HYDIN: variants seen among roughly 807,000 people sequenced by gnomAD.
HYDIN encodes axonemal central pair apparatus protein HYDIN.
HYDIN carries 132 observed loss-of-function variants against 403.9 expected under a neutral mutation model. The ratio of observed to expected loss-of-function variants is 0.33; its 90% confidence interval spans 0.28 to 0.38. The LOEUF (loss-of-function observed/expected upper bound fraction) is 0.38. Among genes scored for constraint, HYDIN ranks in the 10% least tolerant of loss-of-function variants. The pLI, the probability that HYDIN is intolerant of heterozygous loss-of-function variation, is 1.00. For missense variants in HYDIN, 2,827 were observed against 5,009.5 expected (o/e 0.56, Z 13.15); for synonymous variants, 1,202 against 1,891.7 (o/e 0.64, Z 9.46).
At chr16:71,190,913 T>C (rs1470366266) in intron 1 of HYDIN, among the ~76,000 whole-genome samples, 1 of 152,002 alleles carries the variant, frequency 6.6e-6, no homozygotes, top group Non-Finnish European at 1.5e-5. Flanking sequence ...ATCCAGGATG[T>C]GAAAAATGTT....
At chr16:71,169,922 T>C (rs2086394813) in intron 5 of HYDIN, among the ~76,000 whole-genome samples, 1 of 152,234 alleles carries the variant, frequency 6.6e-6, no homozygotes, top group Admixed American at 6.5e-5. Context: ...AAACCTCATG[T>C]TGAACACCAC....
intron 1 of HYDIN, among the ~76,000 whole-genome samples, chr16:71,198,690 G>C (rs1331535066): frequency 1.3e-5 from 2 of 152,094 alleles, no homozygotes; most frequent in Non-Finnish European, 2.9e-5. Flanking sequence ...ATCTGCCTTG[G>C]GATGGAGATG....
intron 47 of HYDIN, among the ~76,000 whole-genome samples, chr16:70,917,081 C>G (rs1195894449): frequency 1.3e-5 from 2 of 151,978 alleles, no homozygotes; most frequent in Non-Finnish European, 2.9e-5. Context: ...TGCCACCATG[C>G]CCGGCTAATT....
intron 53 of HYDIN, among the ~76,000 whole-genome samples, chr16:70,897,385 T>A (rs1008181271): frequency 6.6e-6 from 1 of 152,128 alleles, no homozygotes; most frequent in Non-Finnish European, 1.5e-5. Context: ...AGAAGGAAAT[T>A]TGCAGCTGTC....
intron 45 of HYDIN, among the ~76,000 whole-genome samples, chr16:70,931,970 C>T (rs1173844769): frequency 8.1e-6 from 1 of 123,248 alleles, no homozygotes; most frequent in East Asian, 2.6e-4. Flanking sequence ...GAGATCCCAC[C>T]ACTGCACTGT....
In HYDIN at chr16:71,027,582, C is replaced by T; in HGVS notation, c.3042+20G>A. The T allele has an allele frequency of 6.2e-7, 1 of 1,614,016 alleles. No individual in the cohort carries two copies. The highest frequency in any genetic ancestry group is 1.1e-5 in the South Asian group (1 of 91,060). ...TTATTTAGGAAAAAACAATAGCTTC[C>T]AAATGTGCTATCCCCTTACCCTGGG... On this transcript the variant is annotated intron_variant, in intron 20 of 85. Coordinates refer to ENST00000393567, the MANE Select transcript of HYDIN (RefSeq NM_001270974.2).
chr16:71,110,721 T>C (rs1245176615), intron 10 of HYDIN, among the ~76,000 whole-genome samples: 1 of 149,362 alleles, frequency 6.7e-6, no homozygotes, highest in Admixed American at 6.8e-5. Context: ...AGGGAGCCCA[T>C]ACTTCTGCAC....
At chr16:71,094,294 T>C (rs906172616) in intron 10 of HYDIN, among the ~76,000 whole-genome samples, 7 of 152,018 alleles carry the variant, frequency 4.6e-5, no homozygotes, top group South Asian at 2.1e-4. Flanking sequence ...TGCAATAAAA[T>C]AGGCAATAAT....
chr16:70,823,791 T>C lies in HYDIN; in HGVS notation c.14427+3470A>G, dbSNP rs578206312. 1.3e-4 allele frequency among the ~76,000 whole-genome samples: 20 copies of C among 149,826 alleles called. 1 individual carries two copies. The East Asian group carries it at 3.6e-3, about 27-fold the overall frequency. ...TCCTCTTTACTCATGCACTGGTCCC[T>C]TCTCTCTGGTGTCCTACCCTGTAGA... On this transcript the variant is annotated intron_variant, in intron 83 of 85. Transcript: ENST00000393567.
chr16:70,826,284 T>C (rs2036583337), intron 83 of HYDIN, among the ~76,000 whole-genome samples: 1 of 145,186 alleles, frequency 6.9e-6, no homozygotes, highest in African/African-American at 2.6e-5. Flanking sequence ...TAAGGTCTGG[T>C]GATATTACTC....
At chr16:70,850,307 T>C (rs1222745892) in intron 74 of HYDIN, 141 bp downstream of exon 74, 5 of 829,990 alleles carry the variant, frequency 6.0e-6, no homozygotes, top group South Asian at 1.8e-5. Flanking sequence ...ATTCTGGGGA[T>C]AGAGCTGCTC....
chr16:71,126,105 C>G (rs1395073519), intron 9 of HYDIN, among the ~76,000 whole-genome samples: 1 of 152,144 alleles, frequency 6.6e-6, no homozygotes, highest in African/African-American at 2.4e-5. Flanking sequence ...ACAGAACTCC[C>G]TCTTTGCAAG....
intron 21 of HYDIN, among the ~76,000 whole-genome samples, chr16:71,024,622 T>C (rs1254222620): frequency 7.1e-6 from 1 of 140,038 alleles, no homozygotes; most frequent in Non-Finnish European, 1.5e-5. Flanking sequence ...CAGACATTCC[T>C]TACATGTCTT....
In HYDIN at chr16:70,809,960, G is replaced by C. The variant is rs367919415; in HGVS notation, c.14706C>G (p.Phe4902Leu). Residue 4902 changes from phenylalanine (F) to leucine (L), a missense_variant, in exon 85 of 86, where the codon TTC becomes TTG. By Grantham distance (22) the Phe-to-Leu change is conservative. Coordinates refer to ENST00000393567, the MANE Select transcript of HYDIN (RefSeq NM_001270974.2). The stretch of plus-strand genomic sequence containing the variant: ...CAGTGTTGTGCAAAGTTAGTCTTCC[G>C]AAGGTTTCTCCAGCTTTCAGGGGCT... ...EFQPLKAGETFGRLTLHNTDL... is the reference protein window; with the variant it reads ...EFQPLKAGETLGRLTLHNTDL... The C allele has an allele frequency of 1.2e-6, 2 of 1,614,140 alleles. No individual in the cohort carries two copies. The highest frequency in any genetic ancestry group is 1.7e-6 in the Non-Finnish European group (2 of 1,180,002).
At chr16:71,070,328 T>C (rs1290090442) in intron 13 of HYDIN, among the ~76,000 whole-genome samples, 2 of 150,672 alleles carry the variant, frequency 1.3e-5, no homozygotes, top group African/African-American at 2.4e-5. Context: ...TTTCTTTTTT[T>C]TTTTTTTTGA....
intron 58 of HYDIN, among the ~76,000 whole-genome samples, chr16:70,884,906 A>T (rs1489892087): frequency 6.6e-6 from 1 of 152,250 alleles, no homozygotes; most frequent in Non-Finnish European, 1.5e-5. Context: ...GCAGTGCTTC[A>T]GCTCAGAGAT....
At chr16:71,003,247 G>A (rs1163668932) in intron 23 of HYDIN, among the ~76,000 whole-genome samples, 2 of 151,938 alleles carry the variant, frequency 1.3e-5, no homozygotes, top group African/African-American at 4.8e-5. Flanking sequence ...ATAAAGTTTA[G>A]GATCAACCTG....
chr16:70,890,620 T>G (rs1410943162), intron 57 of HYDIN, among the ~76,000 whole-genome samples: 1 of 151,600 alleles, frequency 6.6e-6, no homozygotes, highest in Non-Finnish European at 1.5e-5. Context: ...CAAAATTAAA[T>G]CAGAAGTGCC....
chr16:71,039,743 G>A (rs185019963), intron 18 of HYDIN, among the ~76,000 whole-genome samples: 17 of 152,260 alleles, frequency 1.1e-4, no homozygotes, highest in East Asian at 9.7e-4. Context: ...CACTTTCATC[G>A]GCAATTAAAT....
Sources: allele counts gnomAD v4.1 joint callset (sites outside exome capture counted in the v4.1 genomes callset), GRCh38; gene constraint gnomAD v4.1.1; transcripts MANE v1.5; gene names NCBI Gene and HGNC (gene_info 2026-07-23, HGNC 2026-07-21).